Variants in DPYD observed in about 807,000 individuals in gnomAD.
The protein encoded by DPYD is dihydropyrimidine dehydrogenase.
Under a neutral mutation model 116.2 loss-of-function variants are expected in DPYD, and 109 were observed. That is an observed-to-expected ratio of 0.94 (90% CI 0.80 to 1.10). The LOEUF (loss-of-function observed/expected upper bound fraction) is 1.10. Among genes scored for constraint, DPYD ranks in the 50% least tolerant of loss-of-function variants. DPYD has a pLI of 0.00. For synonymous variants in DPYD, 440 were observed against 432.0 expected (o/e 1.02, Z -0.23); for missense variants, 1,302 against 1,254.5 (o/e 1.04, Z -0.57).
At chr1:97,892,722 C>T (rs1450409269) in intron 1 of DPYD, among the ~76,000 whole-genome samples, 1 of 151,658 alleles carries the variant, frequency 6.6e-6, no homozygotes, top group African/African-American at 2.4e-5. Flanking sequence ...ACTTTTTTTC[C>T]CATTTTACTA....
intron 14 of DPYD, among the ~76,000 whole-genome samples, chr1:97,406,407 TTTA>T (rs1031770418): frequency 6.6e-6 from 1 of 151,638 alleles, no homozygotes; most frequent in Non-Finnish European, 1.5e-5. Context: ...TATTTATTTA[TTTA>T]TTTTTATTAT....
intron 10 of DPYD, among the ~76,000 whole-genome samples, chr1:97,583,777 G>A (rs1159750958): frequency 6.7e-6 from 1 of 150,234 alleles, no homozygotes; most frequent in African/African-American, 2.5e-5. Flanking sequence ...TTTTTTAACA[G>A]TTTAAAATAA....
At position 97,287,229 on chromosome 1, in the gene DPYD, C is replaced by T. The variant is rs562096043; in HGVS notation, c.2299+18030G>A. ...TTGCCTGGGTATCAGCAGCGGTGGCCGCAGAACAGCGGATTTTCATGAACC... is the reference window on the plus strand; with the variant it reads ...TTGCCTGGGTATCAGCAGCGGTGGCTGCAGAACAGCGGATTTTCATGAACC... On this transcript the variant is annotated intron_variant, in intron 18 of 22. Transcript: ENST00000370192. Among the ~76,000 whole-genome samples the T allele has an allele frequency of 7.2e-5, 11 of 152,210 alleles. No homozygotes were observed. The South Asian group carries it at 1.7e-3, about 23-fold the overall frequency.
At chr1:97,393,375 T>C (rs1672822574) in intron 14 of DPYD, among the ~76,000 whole-genome samples, 1 of 151,944 alleles carries the variant, frequency 6.6e-6, no homozygotes, top group African/African-American at 2.4e-5. Context: ...ACATGTGCCA[T>C]GTTGGTGTGC....
At chr1:97,644,021 G>A (rs779491068) in intron 8 of DPYD, among the ~76,000 whole-genome samples, 10 of 151,816 alleles carry the variant, frequency 6.6e-5, no homozygotes, top group South Asian at 2.1e-4. Flanking sequence ...ACCATGGCAC[G>A]TGTGTACCTA....
chr1:97,530,391 GTA>G (rs946923699), intron 12 of DPYD, among the ~76,000 whole-genome samples: 1 of 151,464 alleles, frequency 6.6e-6, no homozygotes, highest in Non-Finnish European at 1.5e-5. Context: ...CTAATTTTTT[GTA>G]TTTTTAGTAG....
intron 7 of DPYD, among the ~76,000 whole-genome samples, chr1:97,680,686 G>A (rs957072302): frequency 2.0e-5 from 3 of 152,114 alleles, no homozygotes; most frequent in Non-Finnish European, 4.4e-5. Flanking sequence ...GAACGTCACA[G>A]TGATTCATTA....
chr1:97,599,035 T>C (rs1655076929), intron 8 of DPYD, among the ~76,000 whole-genome samples: 1 of 152,212 alleles, frequency 6.6e-6, no homozygotes, highest in African/African-American at 2.4e-5. Flanking sequence ...ATTAAGTTTC[T>C]CTACAAGGCT....
At chr1:97,205,335 C>G (rs1371154777) in intron 19 of DPYD, among the ~76,000 whole-genome samples, 3 of 152,008 alleles carry the variant, frequency 2.0e-5, no homozygotes, top group Non-Finnish European at 4.4e-5. Flanking sequence ...TCACCTCCCC[C>G]ATCCCCTGGC....
chr1:97,470,599 C>A (rs1040313146), intron 13 of DPYD, among the ~76,000 whole-genome samples: 1 of 152,086 alleles, frequency 6.6e-6, no homozygotes, highest in African/African-American at 2.4e-5. Context: ...TATAACTGCA[C>A]GAGGATACTG....
rs200702346 is a variant in DPYD, at chr1:97,679,138, G to A, written c.807C>T (p.Ser269=). Residue 269 remains serine, a synonymous_variant, in exon 8 of 23, where the codon AGC becomes AGT. Transcript: ENST00000370192. ...CTTTGTAGCCTTTTTCTTTCAAAGT[G>A]CTAAGAGTCATTTCATTCACTGAAA... ...KSLSVNEMTL[S]TLKEKGYKAA... The A allele has an allele frequency of 2.0e-4, 323 of 1,591,288 alleles. No individual in the cohort carries two copies. Among genetic ancestry groups the A allele is most frequent in the Non-Finnish European group, 2.5e-4 (296 of 1,166,652 alleles).
In DPYD at chr1:97,595,428, A is replaced by ATGTT. The variant is rs1183417179; in HGVS notation, c.851-263_851-262insAACA. ...TAAATATATGGAAACATATGTATAT[A>ATGTT]CACACATAAACATATATAACATTAC... On this transcript the variant is annotated intron_variant, in intron 8 of 22. Transcript: ENST00000370192. 5.9e-5 allele frequency among the ~76,000 whole-genome samples: 9 copies of ATGTT among 152,186 alleles called. No homozygotes were observed. In the East Asian group the frequency reaches 1.7e-3, roughly 29 times the overall value.
chr1:97,428,054 T>C (rs1023854172), intron 14 of DPYD, among the ~76,000 whole-genome samples: 8 of 152,116 alleles, frequency 5.3e-5, no homozygotes, highest in Admixed American at 4.6e-4. Flanking sequence ...ATACACACTG[T>C]AACAATACAA....
intron 2 of DPYD, among the ~76,000 whole-genome samples, chr1:97,880,479 G>A (rs981885365): frequency 1.3e-4 from 19 of 151,718 alleles, no homozygotes; most frequent in East Asian, 5.9e-4. Flanking sequence ...CAACCACACC[G>A]AGAATAACTT....
intron 18 of DPYD, among the ~76,000 whole-genome samples, chr1:97,303,329 TTGAGCAGATATTAGCAC>T (rs1666971241): frequency 6.6e-6 from 1 of 151,996 alleles, no homozygotes. Flanking sequence ...GAGACAACAC[TTGAGCAGATATTAGCAC>T]TGTGCTATGG....
chr1:97,425,475 C>T (rs1456659501), intron 14 of DPYD, among the ~76,000 whole-genome samples: 1 of 151,996 alleles, frequency 6.6e-6, no homozygotes, highest in Non-Finnish European at 1.5e-5. Context: ...AGAAGGGAAA[C>T]TTAGAGATTT....
intron 4 of DPYD, among the ~76,000 whole-genome samples, chr1:97,738,472 T>C (rs1430150200): frequency 6.6e-6 from 1 of 152,146 alleles, no homozygotes; most frequent in Non-Finnish European, 1.5e-5. Flanking sequence ...TGACATCCTT[T>C]TCTCAAAGAG....
chr1:97,336,301 G>C (rs546460652), intron 16 of DPYD, among the ~76,000 whole-genome samples: 1 of 152,226 alleles, frequency 6.6e-6, no homozygotes, highest in South Asian at 2.1e-4. Context: ...AATTTTGAAA[G>C]TTTTACAGCA....
intron 5 of DPYD, among the ~76,000 whole-genome samples, chr1:97,719,423 T>C (rs1290040130): frequency 6.6e-6 from 1 of 152,036 alleles, no homozygotes; most frequent in East Asian, 1.9e-4. Context: ...TTTGCTTAAT[T>C]TGGTTGAAAA....
Sources: allele counts gnomAD v4.1 joint callset (sites outside exome capture counted in the v4.1 genomes callset), GRCh38; gene constraint gnomAD v4.1.1; transcripts MANE v1.5; gene names NCBI Gene and HGNC (gene_info 2026-07-23, HGNC 2026-07-21).